CEP126: variants seen among roughly 807,000 people sequenced by gnomAD.
The protein encoded by CEP126 is centrosomal protein of 126 kDa.
CEP126 carries 74 observed loss-of-function variants against 107.8 expected under a neutral mutation model. The ratio of observed to expected loss-of-function variants is 0.69; its 90% CI spans 0.57 to 0.83. The LOEUF (loss-of-function observed/expected upper bound fraction) is 0.83, where lower values mean the gene tolerates loss of function less well. Among genes scored for constraint, CEP126 ranks in the 40% least tolerant of loss-of-function variants. The pLI, the probability that CEP126 is intolerant of heterozygous loss-of-function variation, is 0.00. For missense variants in CEP126, 1,237 were observed against 1,281.9 expected, an observed-to-expected ratio of 0.96 and a Z score of 0.53; for synonymous variants, 449 against 446.0, an observed-to-expected ratio of 1.01 and a Z score of -0.08.
At chr11:101,971,323 A>G (rs990857638) in intron 6 of CEP126, among the ~76,000 whole-genome samples, 4 of 151,684 alleles carry the variant, frequency 2.6e-5, no homozygotes, top group Non-Finnish European at 4.4e-5. Flanking sequence ...TTCATAATAC[A>G]CATGAAAAAA....
chr11:101,926,848 A>C (rs889175944), intron 2 of CEP126, among the ~76,000 whole-genome samples: 5 of 152,224 alleles, frequency 3.3e-5, no homozygotes, highest in African/African-American at 1.2e-4. Context: ...CATGCCCTAC[A>C]ATCATTATTA....
At chr11:101,941,414 G>C (rs1220896525) in intron 2 of CEP126, among the ~76,000 whole-genome samples, 2 of 152,054 alleles carry the variant, frequency 1.3e-5, no homozygotes, top group Non-Finnish European at 2.9e-5. Context: ...TTTGTGAGTG[G>C]CTTATTTCAC....
chr11:101,955,903 C>T (rs371730252), intron 4 of CEP126: 7 of 456,324 alleles, frequency 1.5e-5, no homozygotes, highest in Non-Finnish European at 3.1e-5. Flanking sequence ...TTCCTAGCTA[C>T]CCAACTGTTT....
chr11:101,934,861 C>A (rs1342383466), intron 2 of CEP126, among the ~76,000 whole-genome samples: 1 of 151,986 alleles, frequency 6.6e-6, no homozygotes, highest in Admixed American at 6.6e-5. Context: ...ATGAGAGAAT[C>A]CATAAGTAGG....
chr11:101,959,155 T>C (rs1474278074), intron 5 of CEP126, among the ~76,000 whole-genome samples: 2 of 151,902 alleles, frequency 1.3e-5, no homozygotes, highest in African/African-American at 4.8e-5. Flanking sequence ...CTTTTTTCCT[T>C]TTTTTTTCTT....
Position 101,986,953 on chromosome 11 carries a change from TA to T in CEP126, c.3160del (p.Thr1054LeufsTer17). 1 of 1,613,782 alleles carries T rather than the reference TA, an allele frequency of 6.2e-7. No individual in the cohort carries two copies. The highest frequency in any genetic ancestry group is 1.7e-5 in the Admixed American group (1 of 60,014). On this transcript the variant is annotated frameshift_variant, in exon 9 of 11. Transcript: ENST00000263468. LOFTEE classifies it high-confidence loss of function. ...TACAGAAATCAAATCTACCTTTAAATAAAACTCAACAATTCAACATCTGCAC... is the reference window on the plus strand; with the variant it reads ...TACAGAAATCAAATCTACCTTTAAATAAACTCAACAATTCAACATCTGCAC... Reference protein sequence around the residue: ...QIQKSNLPLNKTQQFNICTLS... With the variant: ...QIQKSNLPLNXTQQFNICTLS...
At chr11:101,995,741 A>T (rs1389576263) in intron 10 of CEP126, among the ~76,000 whole-genome samples, 2 of 152,252 alleles carry the variant, frequency 1.3e-5, no homozygotes, top group Non-Finnish European at 2.9e-5. Context: ...CAGCAGTACT[A>T]CATAAATGTT....
At chr11:101,915,446 G>A in intron 1 of CEP126, 34 bp downstream of exon 1, 1 of 1,584,428 alleles carries the variant, frequency 6.3e-7, no homozygotes, top group Non-Finnish European at 8.6e-7. Context: ...CCAGGGTAGC[G>A]ATGTTGAAAA....
intron 4 of CEP126, among the ~76,000 whole-genome samples, chr11:101,954,777 A>G (rs1362983000): frequency 6.6e-6 from 1 of 152,120 alleles, no homozygotes; most frequent in Non-Finnish European, 1.5e-5. Context: ...TAAGTAATGT[A>G]TATGAAAGTG....
intron 4 of CEP126, among the ~76,000 whole-genome samples, chr11:101,949,449 TA>T (rs1053905555): frequency 5.3e-5 from 8 of 152,286 alleles, no homozygotes; most frequent in African/African-American, 1.9e-4. Context: ...AGACTTAGGC[TA>T]AAGGCATTTG....
At chr11:101,942,630 T>A (rs995313588) in intron 2 of CEP126, among the ~76,000 whole-genome samples, 2 of 150,892 alleles carry the variant, frequency 1.3e-5, no homozygotes, top group African/African-American at 4.9e-5. Flanking sequence ...AATGTTAAAA[T>A]GGATTTTGCT....
chr11:101,958,597 A>G (rs1940931666), intron 5 of CEP126, among the ~76,000 whole-genome samples: 1 of 152,184 alleles, frequency 6.6e-6, no homozygotes, highest in African/African-American at 2.4e-5. Flanking sequence ...TTGTATTATA[A>G]AAAGCAACCA....
intron 5 of CEP126, among the ~76,000 whole-genome samples, chr11:101,960,558 G>A (rs1442521968): frequency 6.6e-6 from 1 of 152,054 alleles, no homozygotes; most frequent in Admixed American, 6.5e-5. Context: ...GTATGCCAAA[G>A]GATGTGATAA....
At position 101,931,574 on chromosome 11, in the gene CEP126, C is replaced by G. The variant is rs189864307; in HGVS notation, c.248+8814C>G. Among the ~76,000 whole-genome samples, 273 of 152,160 alleles carry G rather than the reference C, an allele frequency of 1.8e-3. 3 individuals carry two copies. Among genetic ancestry groups the G allele is most frequent in the Admixed American group, 0.017 (256 of 15,290 alleles). ...TTATCCAACTGCCTTTTTTAACTTT[C>G]AAGAAGAACAATTTATCCTTATTTT... On this transcript the variant is annotated intron_variant, in intron 2 of 10. Coordinates refer to ENST00000263468, the MANE Select transcript of CEP126 (RefSeq NM_020802.4).
intron 4 of CEP126, among the ~76,000 whole-genome samples, chr11:101,957,550 C>T (rs912993762): frequency 1.3e-5 from 2 of 152,086 alleles, no homozygotes; most frequent in Non-Finnish European, 2.9e-5. Context: ...ATTAAGGGTA[C>T]GCTTCTGTGG....
chr11:101,922,805 A>G (rs975648316), intron 2 of CEP126, 45 bp downstream of exon 2: 20 of 1,488,504 alleles, frequency 1.3e-5, no homozygotes, highest in Admixed American at 1.8e-5. Flanking sequence ...TTCAAAGTCA[A>G]TATAAAGTAA....
intron 4 of CEP126, among the ~76,000 whole-genome samples, chr11:101,954,858 G>A (rs1043580686): frequency 6.6e-6 from 1 of 152,052 alleles, no homozygotes; most frequent in African/African-American, 2.4e-5. Context: ...TAGGTTAATG[G>A]ACATATTTTT....
rs537245238 is a variant in CEP126, at chr11:101,962,612, A to G, written c.1577A>G (p.Tyr526Cys). The G allele has an allele frequency of 1.8e-5, 29 of 1,613,740 alleles. 1 individual carries two copies. The highest frequency in any genetic ancestry group is 1.6e-4 in the East Asian group (7 of 44,832). Reference protein sequence around the residue: ...PLFSDSFQDAYIPHNPDSKDE... With the variant: ...PLFSDSFQDACIPHNPDSKDE... The stretch of plus-strand genomic sequence containing the variant: ...TTTTCAGACAGTTTTCAAGATGCCT[A>G]TATACCTCACAATCCTGATTCAAAA... Residue 526 changes from tyrosine to cysteine, a missense_variant, in exon 6 of 11, where the codon TAT (tyrosine) becomes TGT (cysteine). Physicochemically the swap from Tyr to Cys is radical, Grantham distance 194. Around this residue, in one of 3 missense-constraint regions of CEP126, gnomAD observed 1,134 missense variants for 1,150.5 expected, o/e 0.99. Coordinates refer to ENST00000263468, the MANE Select transcript of CEP126 (RefSeq NM_020802.4).
chr11:101,922,817 A>T, intron 2 of CEP126, 57 bp downstream of exon 2: 1 of 1,412,686 alleles, frequency 7.1e-7, no homozygotes, highest in Non-Finnish European at 9.8e-7. Flanking sequence ...ATAAAGTAAT[A>T]GTTTCTCTAC....
Sources: allele counts gnomAD v4.1 joint callset (sites outside exome capture counted in the v4.1 genomes callset), GRCh38; gene constraint gnomAD v4.1.1; regional missense constraint gnomAD v4.1.1; transcripts MANE v1.5; gene names NCBI Gene and HGNC (gene_info 2026-07-23, HGNC 2026-07-21).